The following PIM3 variants were observed in gnomAD, a reference collection of about 807,000 sequenced individuals.
PIM3 encodes serine/threonine-protein kinase pim-3.
A neutral mutation model predicts 27.5 loss-of-function variants in PIM3; 13 were observed. That is an observed-to-expected ratio of 0.47 (90% CI 0.31 to 0.75). The LOEUF is 0.75. Ranked by LOEUF, PIM3 falls within the 30% of genes least tolerant of loss-of-function variation. PIM3 has a pLI of 0.05. For missense variants in PIM3, 482 were observed against 476.9 expected, an observed-to-expected ratio of 1.01 and a Z score of -0.10; for synonymous variants, 341 against 221.1, an observed-to-expected ratio of 1.54 and a Z score of -4.81.
At position 49,963,222 on chromosome 22, in the gene PIM3, T is replaced by G; in HGVS notation, c.*95T>G. ...ACTTTCTCCTGCGTGGGCCGTCTCCTCCTGCGGAAGCAGTGACCTCTGACC... is the reference window on the plus strand; with the variant it reads ...ACTTTCTCCTGCGTGGGCCGTCTCCGCCTGCGGAAGCAGTGACCTCTGACC... On this transcript the variant is annotated 3_prime_UTR_variant, in exon 6 of 6. Coordinates refer to ENST00000360612, the MANE Select transcript of PIM3 (RefSeq NM_001001852.4). The G allele has an allele frequency of 7.4e-7, 1 of 1,359,196 alleles. No homozygotes were observed. The highest frequency in any genetic ancestry group is 9.8e-7 in the Non-Finnish European group (1 of 1,025,422). 84.2% of individuals were successfully genotyped at this position (1,359,196 alleles called of 1,614,324 possible).
chr22:49,962,411 C>T (rs966556016), intron 4 of PIM3, among the ~76,000 whole-genome samples: 1 of 150,720 alleles, frequency 6.6e-6, no homozygotes, highest in Non-Finnish European at 1.5e-5. Flanking sequence ...TGTCCCCCCC[C>T]CACCCAGGTA....
intron 4 of PIM3, 132 bp from the exon 5 acceptor site, chr22:49,962,557 A>G (rs921894502): frequency 3.1e-6 from 3 of 967,562 alleles, no homozygotes; most frequent in South Asian, 3.4e-5. Flanking sequence ...TTCCAGGGTG[A>G]TGACGAGCAG....
At chr22:49,961,266 C>T in intron 2 of PIM3, 32 bp downstream of exon 2, 4 of 1,538,558 alleles carry the variant, frequency 2.6e-6, no homozygotes, top group Non-Finnish European at 2.6e-6. Context: ...GCCCGGGTTT[C>T]TCGCGCGCCT....
rs1296138846 is a variant in PIM3, at chr22:49,962,670, A to G, written c.617-19A>G. On this transcript the variant is annotated intron_variant, in intron 4 of 5. Coordinates refer to ENST00000360612, the MANE Select transcript of PIM3 (RefSeq NM_001001852.4). ...GCTCTGCCTCTGTGGTGGGCGTGCT[A>G]AGCCCTGTGTCCCCTTAGGCACCCG... The G allele has an allele frequency of 1.2e-6, 2 of 1,601,390 alleles. No homozygotes were observed. Among genetic ancestry groups the G allele is most frequent in the Admixed American group, 1.7e-5 (1 of 58,396 alleles).
chr22:49,961,961 TG>T, intron 4 of PIM3, 150 bp downstream of exon 4: 4 of 1,231,398 alleles, frequency 3.2e-6, no homozygotes, highest in Non-Finnish European at 4.4e-6. Flanking sequence ...CGCGCTACCC[TG>T]GGGAGGGCTG....
Position 49,961,489 on chromosome 22 carries a change from C to G in PIM3, c.294C>G (p.Gly98=). ...AGGTGGTGCTGCTGCGCAAGGTGGG[C>G]GCGGCGGGCGGCGCGCGCGGCGTCA... is the stretch of plus-strand genomic sequence containing the variant. ...PLEVVLLRKV[G]AAGGARGVIR... The change falls in exon 4 of 6, where the codon GGC becomes GGG. Residue 98 remains glycine (G), a synonymous_variant. Transcript: ENST00000360612. The G allele has an allele frequency of 6.7e-7, 1 of 1,492,320 alleles. No homozygotes were observed. Among genetic ancestry groups the G allele is most frequent in the Admixed American group, 2.4e-5 (1 of 41,228 alleles). The allele number at this position is 1,492,320 out of a possible 1,614,324, so 92.4% of individuals were successfully genotyped here.
At position 49,960,887 on chromosome 22, in the gene PIM3, CCCGGATCGG is replaced by C; in HGVS notation, c.-57_-49del. Reference sequence around the variant, plus strand: ...GCCGGTGTCCCCGGCGCGCCGCTCGCCCGGATCGGCCGCGGCTTCGGCGCCTGGGGCTCG... The same window carrying C: ...GCCGGTGTCCCCGGCGCGCCGCTCGCCCGCGGCTTCGGCGCCTGGGGCTCG... On this transcript the variant is annotated 5_prime_UTR_variant, in exon 1 of 6. Coordinates refer to ENST00000360612, the MANE Select transcript of PIM3 (RefSeq NM_001001852.4). 1.7e-6 allele frequency: 2 copies of C among 1,148,270 alleles called. No homozygotes were observed. The highest frequency in any genetic ancestry group is 1.7e-5 in the African/African-American group (1 of 60,570). The allele number at this position is 1,148,270 out of a possible 1,614,324, so 71.1% of individuals were successfully genotyped here. A position where few individuals can be genotyped will look rare whatever the true frequency, so the allele number is the denominator to read the frequency against.
rs1362763173 is a variant in PIM3, at chr22:49,963,186, C to T, written c.*59C>T. The T allele has an allele frequency of 1.2e-5, 18 of 1,456,324 alleles. No individual in the cohort carries two copies. Among genetic ancestry groups the T allele is most frequent in the Non-Finnish European group, 1.6e-5 (18 of 1,098,252 alleles). 90.2% of individuals were successfully genotyped at this position (1,456,324 alleles called of 1,614,324 possible). ...CTGCCTTGGCCAGACCTGGGACGCC[C>T]CCAGACCCTGACTTTCTCCTGCGTG... On this transcript the variant is annotated 3_prime_UTR_variant, in exon 6 of 6. Transcript: ENST00000360612.
chr22:49,962,582 G>A, intron 4 of PIM3, 107 bp from the exon 5 acceptor site: 1 of 1,279,334 alleles, frequency 7.8e-7, no homozygotes, highest in South Asian at 1.5e-5. Context: ...TTGAGGCCTG[G>A]CTCTGCTTCC....
At position 49,963,768 on chromosome 22, in the gene PIM3, C is replaced by T. The variant is rs13811; in HGVS notation, c.*641C>T. On this transcript the variant is annotated 3_prime_UTR_variant, in exon 6 of 6. Coordinates refer to ENST00000360612, the MANE Select transcript of PIM3 (RefSeq NM_001001852.4). ...TGATTCCTGTGCCTGGCGTCTGTCCCGGCCCCGCCTGTCAGAAGATGAACA... is the reference window on the plus strand; with the variant it reads ...TGATTCCTGTGCCTGGCGTCTGTCCTGGCCCCGCCTGTCAGAAGATGAACA... 0.73 allele frequency: 111,710 copies of T among 152,316 alleles called. 41,206 individuals carry two copies. The highest frequency in any genetic ancestry group is 0.8 in the Admixed American group (12,176 of 15,304). The allele number at this position is 152,316 out of a possible 1,614,324, so 9.4% of individuals were successfully genotyped here.
chr22:49,961,256 GC>G (rs770280992), intron 2 of PIM3, 22 bp downstream of exon 2: 100 of 1,536,332 alleles, frequency 6.5e-5, no homozygotes, highest in Non-Finnish European at 8.2e-5. Flanking sequence ...CGCCGGGCGG[GC>G]CCGGGTTTCT....
rs769673459 is a variant in PIM3, at chr22:49,963,240, C to T, written c.*113C>T. The T allele has an allele frequency of 6.0e-5, 74 of 1,229,396 alleles. No individual in the cohort carries two copies. The highest frequency in any genetic ancestry group is 9.0e-5 in the Admixed American group (3 of 33,390). The allele number at this position is 1,229,396 out of a possible 1,614,324, so 76.2% of individuals were successfully genotyped here. ...CGTCTCCTCCTGCGGAAGCAGTGAC[C>T]TCTGACCCCTGGTGACCTTCGCTTT... On this transcript the variant is annotated 3_prime_UTR_variant, in exon 6 of 6. Coordinates refer to ENST00000360612, the MANE Select transcript of PIM3 (RefSeq NM_001001852.4).
At position 49,962,829 on chromosome 22, in the gene PIM3, C is replaced by A. The variant is rs2060915899; in HGVS notation, c.757C>A (p.Arg253=). ...IPFEQDEEIL[R]GRLLFRRRVS... is the part of the protein sequence containing the mutation. ...CTTCGAGCAGGACGAGGAGATCCTC[C>A]GAGGCCGCCTGCTCTTCCGGAGGAG... Residue 253 remains arginine, a synonymous_variant, in exon 5 of 6, where the codon CGA becomes AGA. Transcript: ENST00000360612. 3.1e-6 allele frequency: 5 copies of A among 1,611,500 alleles called. No homozygotes were observed. The South Asian group carries it at 4.4e-5, about 14-fold the overall frequency.
chr22:49,962,504 C>T (rs1687674010), intron 4 of PIM3, among the ~76,000 whole-genome samples, 185 bp from the exon 5 acceptor site: 1 of 151,784 alleles, frequency 6.6e-6, no homozygotes, highest in African/African-American at 2.4e-5. Flanking sequence ...CGGAGGGGGA[C>T]GGCCGGCCCC....
In PIM3 at chr22:49,962,777, C is replaced by T; in HGVS notation, c.705C>T (p.Leu235=). The T allele has an allele frequency of 3.1e-6, 5 of 1,612,848 alleles. No individual in the cohort carries two copies. Among genetic ancestry groups the T allele is most frequent in the Non-Finnish European group, 4.2e-6 (5 of 1,180,000 alleles). ...CCGTGTGGTCGCTGGGCGTGCTTCT[C>T]TACGATATGGTGTGTGGGGACATCC... The part of the protein sequence containing the change: ...SATVWSLGVL[L]YDMVCGDIPF... Residue 235 remains leucine, a synonymous_variant, in exon 5 of 6, where the codon CTC becomes CTT. Coordinates refer to ENST00000360612, the MANE Select transcript of PIM3 (RefSeq NM_001001852.4).
Position 49,963,062 on chromosome 22 carries a change from C to G in PIM3, c.916C>G (p.Leu306Val). ...CGGGGGCGTCCCGGAGAGCTGTGAC[C>G]TGCGGCTGTGCACCCTCGACCCTGA... ...ADGGVPESCD[L>V]RLCTLDPDDV... The change falls in exon 6 of 6, where the codon CTG becomes GTG. Residue 306 changes from leucine to valine, a missense_variant. By Grantham distance (32) the Leu-to-Val change is conservative. Transcript: ENST00000360612. The G allele has an allele frequency of 6.2e-7, 1 of 1,611,988 alleles. No individual in the cohort carries two copies. Among genetic ancestry groups the G allele is most frequent in the Non-Finnish European group, 8.5e-7 (1 of 1,179,676 alleles).
At position 49,962,610 on chromosome 22, in the gene PIM3, A is replaced by G. The variant is rs2060914438; in HGVS notation, c.617-79A>G. 25 of 1,456,372 alleles carry G rather than the reference A, an allele frequency of 1.7e-5. 1 individual carries two copies. The highest frequency in any genetic ancestry group is 1.9e-5 in the Non-Finnish European group (21 of 1,080,270). The allele number at this position is 1,456,372 out of a possible 1,614,324, so 90.2% of individuals were successfully genotyped here. The stretch of plus-strand genomic sequence containing the variant: ...CTGCTTCCTGTTACTGAGGCCAGGG[A>G]GTTAACCAGCAGGGACCTCGCCGTC... On this transcript the variant is annotated intron_variant, in intron 4 of 5. Transcript: ENST00000360612.
chr22:49,962,068 C>T (rs1468125445), intron 4 of PIM3, among the ~76,000 whole-genome samples: 3 of 152,064 alleles, frequency 2.0e-5, no homozygotes, highest in Non-Finnish European at 4.4e-5. Context: ...GGCCTCTTGC[C>T]CCGGTGTGGG....
In PIM3 at chr22:49,960,795, G is replaced by T; in HGVS notation, c.-153G>T. On this transcript the variant is annotated 5_prime_UTR_variant, in exon 1 of 6. Transcript: ENST00000360612. The stretch of plus-strand genomic sequence containing the variant: ...GCGGGTGAGGCGCTCCGCCTGCTGC[G>T]CGTCTACGCGGTCCCCGCGGGCCTT... 3.3e-6 allele frequency: 1 copy of T among 305,860 alleles called. No individual in the cohort carries two copies. The highest frequency in any genetic ancestry group is 5.0e-6 in the Non-Finnish European group (1 of 201,684). 18.9% of individuals were successfully genotyped at this position (305,860 alleles called of 1,614,324 possible).
Sources: gnomAD v4.1 joint callset for allele counts (sites outside exome capture counted in the v4.1 genomes callset) on GRCh38, gnomAD v4.1.1 for gene constraint, MANE v1.5 for transcripts, NCBI Gene and HGNC (gene_info 2026-07-23, HGNC 2026-07-21) for gene names.